Variants in OR3A2 observed in about 807,000 individuals in gnomAD.
The protein encoded by OR3A2 is olfactory receptor 3A2.
For missense variants in OR3A2, 318 were observed against 392.8 expected (o/e 0.81, Z 1.61); for synonymous variants, 126 against 159.3 (o/e 0.79, Z 1.57).
At position 3,292,252 on chromosome 17, in the gene OR3A2, C is replaced by T. The variant is rs765314124; in HGVS notation, c.-84-13099G>A. 76 of 1,613,994 alleles carry T rather than the reference C, an allele frequency of 4.7e-5. 1 individual carries two copies. The East Asian group carries it at 6.7e-4, about 14-fold the overall frequency. On this transcript the variant is annotated intron_variant, in intron 3 of 4. Coordinates refer to the OR3A2 transcript ENST00000573491. ...GTCAGCAGGAAGCAGTCCACTCCAACGAACAGATGGAAGAAGAAGAGCTGG... is the reference window on the plus strand; with the variant it reads ...GTCAGCAGGAAGCAGTCCACTCCAATGAACAGATGGAAGAAGAAGAGCTGG...
intron 3 of OR3A2, among the ~76,000 whole-genome samples, chr17:3,306,458 A>G (rs1345277353): frequency 6.6e-6 from 1 of 152,028 alleles, no homozygotes; most frequent in Non-Finnish European, 1.5e-5. Context: ...CATTTTGATG[A>G]GGTTACTTCC....
At chr17:3,368,565 G>A (rs2049583846) in intron 2 of OR3A2, among the ~76,000 whole-genome samples, 2 of 151,942 alleles carry the variant, frequency 1.3e-5, no homozygotes, top group African/African-American at 4.8e-5. Context: ...GCTTATTTCT[G>A]GGTTCTCTTT....
At chr17:3,312,682 C>A (rs543955315) in intron 3 of OR3A2, among the ~76,000 whole-genome samples, 1 of 152,220 alleles carries the variant, frequency 6.6e-6, no homozygotes, top group South Asian at 2.1e-4. Context: ...TGGAGTGCAG[C>A]GGCACGATCT....
chr17:3,312,452 T>C (rs1034540080), intron 3 of OR3A2, among the ~76,000 whole-genome samples: 1 of 152,128 alleles, frequency 6.6e-6, no homozygotes, highest in Non-Finnish European at 1.5e-5. Context: ...AGCAACATCA[T>C]CAAACACCTG....
At chr17:3,347,983 C>T (rs2049382665) in intron 2 of OR3A2, among the ~76,000 whole-genome samples, 1 of 152,310 alleles carries the variant, frequency 6.6e-6, no homozygotes, top group Non-Finnish European at 1.5e-5. Flanking sequence ...ATTTGCATTT[C>T]TCTGATGGCC....
In OR3A2 at chr17:3,358,141, T is replaced by C. The variant is rs563430734; in HGVS notation, c.-178-22015A>G. On this transcript the variant is annotated intron_variant, in intron 2 of 4. Transcript: ENST00000573491. ...CATCACTCTGGGCTGAATTATATCA[T>C]ATAACCACTAAAAAAATTAAATTAG... is the stretch of plus-strand genomic sequence containing the variant. Among the ~76,000 whole-genome samples, 6 of 151,802 alleles carry C rather than the reference T, an allele frequency of 4.0e-5. No individual in the cohort carries two copies. In the South Asian group the frequency reaches 1.2e-3, roughly 31 times the overall value.
chr17:3,278,843 C>G, exon 2 of OR3A2: 1 of 1,534,652 alleles, frequency 6.5e-7, no homozygotes, highest in Non-Finnish European at 8.8e-7. Flanking sequence ...CTGGCTGCAT[C>G]TCTTCTGTTT....
chr17:3,302,736 C>T (rs1371251978), intron 3 of OR3A2, among the ~76,000 whole-genome samples: 2 of 152,158 alleles, frequency 1.3e-5, no homozygotes, highest in African/African-American at 4.8e-5. Context: ...TGGGAAAGGG[C>T]TAGTGGCCAC....
At chr17:3,278,185 C>T in exon 2 of OR3A2, 1 of 1,614,226 alleles carries the variant, frequency 6.2e-7, no homozygotes, top group African/African-American at 1.3e-5. Context: ...AGGTGGGAGC[C>T]ACACGTGGAG....
chr17:3,327,983 G>C (rs1033572917), intron 3 of OR3A2, among the ~76,000 whole-genome samples: 3 of 132,122 alleles, frequency 2.3e-5, no homozygotes, highest in African/African-American at 6.2e-5. Context: ...TTTGAAGTCA[G>C]GTAGTGTGAT....
chr17:3,280,817 A>T (rs921643391), intron 1 of OR3A2, among the ~76,000 whole-genome samples: 1 of 152,192 alleles, frequency 6.6e-6, no homozygotes, highest in African/African-American at 2.4e-5. Flanking sequence ...CAGCAGTATG[A>T]CTGATATGAC....
chr17:3,371,597 G>T (rs1286055341), intron 2 of OR3A2, among the ~76,000 whole-genome samples: 3 of 141,996 alleles, frequency 2.1e-5, no homozygotes, highest in African/African-American at 7.9e-5. Context: ...TCCCGGACGG[G>T]GTGGCTGGCC....
chr17:3,297,309 C>G (rs2048927114), intron 3 of OR3A2, among the ~76,000 whole-genome samples: 1 of 152,172 alleles, frequency 6.6e-6, no homozygotes, highest in South Asian at 2.1e-4. Flanking sequence ...GAACAATTCC[C>G]TTACATATTA....
intron 1 of OR3A2, among the ~76,000 whole-genome samples, chr17:3,385,253 G>A (rs1212766231): frequency 2.0e-5 from 3 of 152,186 alleles, no homozygotes; most frequent in African/African-American, 4.8e-5. Context: ...ATAATGTGTG[G>A]TCAACAAATG....
chr17:3,295,050 T>C (rs1452171369), intron 3 of OR3A2, among the ~76,000 whole-genome samples: 1 of 152,124 alleles, frequency 6.6e-6, no homozygotes, highest in Non-Finnish European at 1.5e-5. Flanking sequence ...GTGGTTAATA[T>C]TAAATGTATT....
chr17:3,282,453 A>G (rs1362039676), intron 1 of OR3A2, among the ~76,000 whole-genome samples: 1 of 152,212 alleles, frequency 6.6e-6, no homozygotes, highest in African/African-American at 2.4e-5. Context: ...CCGCAGTTTC[A>G]TGTGGATAAC....
intron 2 of OR3A2, among the ~76,000 whole-genome samples, chr17:3,345,788 C>G (rs1204668499): frequency 6.6e-6 from 1 of 152,000 alleles, no homozygotes; most frequent in East Asian, 1.9e-4. Context: ...GATGAGGGAG[C>G]ACCAGAGTAA....
chr17:3,307,270 C>T (rs139453148), intron 3 of OR3A2, among the ~76,000 whole-genome samples: 77 of 152,272 alleles, frequency 5.1e-4, no homozygotes, highest in African/African-American at 1.7e-3. Flanking sequence ...GAAAAGGAGA[C>T]GACACAGCCT....
intron 3 of OR3A2, among the ~76,000 whole-genome samples, chr17:3,316,796 A>G (rs2049085264): frequency 6.6e-6 from 1 of 152,250 alleles, no homozygotes; most frequent in Non-Finnish European, 1.5e-5. Flanking sequence ...AAACAGAGTG[A>G]TAATGACTGT....
Sources: gnomAD v4.1 joint callset for allele counts (sites outside exome capture counted in the v4.1 genomes callset) on GRCh38, gnomAD v4.1.1 for gene constraint, MANE v1.5 for transcripts, NCBI Gene and HGNC (gene_info 2026-07-23, HGNC 2026-07-21) for gene names.